Variants in FRMD3 observed in about 807,000 individuals in gnomAD.
FRMD3 encodes the protein FERM domain containing 3, also known as FERM domain-containing protein 3.
FRMD3 carries 33 observed loss-of-function variants against 70.2 expected under a neutral mutation model. The observed-to-expected ratio is 0.47, with a 90% CI of 0.36 to 0.63. The LOEUF (loss-of-function observed/expected upper bound fraction) is 0.63, where lower values mean the gene tolerates loss of function less well. Ranked by LOEUF, FRMD3 falls within the 20% of genes least tolerant of loss-of-function variation. FRMD3 has a pLI of 0.00. For missense variants in FRMD3, 632 were observed against 711.4 expected, an observed-to-expected ratio of 0.89 and a Z score of 1.27; for synonymous variants, 279 against 255.9, an observed-to-expected ratio of 1.09 and a Z score of -0.86.
Position 83,459,313 on chromosome 9 carries a change from C to T in FRMD3, c.148-69605G>A, listed in dbSNP as rs150907760. Among the ~76,000 whole-genome samples, 558 of 152,280 alleles carry T rather than the reference C, an allele frequency of 3.7e-3. 3 individuals are homozygous for T. The highest frequency in any genetic ancestry group is 0.012 in the African/African-American group (490 of 41,538). On this transcript the variant is annotated intron_variant, in intron 1 of 13. Transcript: ENST00000304195. ...CTTGTTCACTTCCAACTTCCTAGCC[C>T]GGCCTCCTGAATTCTGACTCCCCAC...
At chr9:83,383,500 C>T (rs72745014) in intron 2 of FRMD3, among the ~76,000 whole-genome samples, 22,687 of 152,240 alleles carry the variant, frequency 0.15, 1,835 homozygotes, top group Non-Finnish European at 0.18. Flanking sequence ...TTCTAGTCTT[C>T]CCAGTTAGAC....
At chr9:83,507,918 C>T (rs1366383841) in intron 1 of FRMD3, among the ~76,000 whole-genome samples, 6 of 151,288 alleles carry the variant, frequency 4.0e-5, no homozygotes, top group Non-Finnish European at 5.9e-5. Flanking sequence ...TCAAGTACTA[C>T]GTACTGTACA....
At chr9:83,352,466 A>G (rs561944086) in intron 3 of FRMD3, among the ~76,000 whole-genome samples, 1 of 152,284 alleles carries the variant, frequency 6.6e-6, no homozygotes, top group Middle Eastern at 3.4e-3. Flanking sequence ...GGATCAGGCA[A>G]TGAGGCCCAG....
rs1477754810 is a variant in FRMD3 at position 83,247,382 on chromosome 9, TTC to T, written c.*534_*535del. 2.4e-5 allele frequency: 21 copies of T among 869,360 alleles called. No individual in the cohort carries two copies. The highest frequency in any genetic ancestry group is 2.3e-4 in the East Asian group (1 of 4,390). 53.9% of individuals were successfully genotyped at this position (869,360 alleles called of 1,614,324 possible). ...GTACATGTAAATAACTCCAGGAGGC[TTC>T]TTTTTTTTTTTTGCTAAAAATTTAC... On this transcript the variant is annotated 3_prime_UTR_variant, in exon 14 of 14. Coordinates refer to ENST00000304195, the MANE Select transcript of FRMD3 (RefSeq NM_174938.6).
intron 10 of FRMD3, among the ~76,000 whole-genome samples, chr9:83,305,801 T>C (rs1835107196): frequency 6.6e-6 from 1 of 152,226 alleles, no homozygotes; most frequent in Non-Finnish European, 1.5e-5. Context: ...CTTGGTTAAC[T>C]ATAGCCAAAG....
intron 4 of FRMD3, 128 bp from the exon 5 acceptor site, chr9:83,343,415 C>A: frequency 1.5e-6 from 1 of 645,490 alleles, no homozygotes; most frequent in Non-Finnish European, 2.8e-6. Flanking sequence ...TTAGACATGC[C>A]CAGCCCTTTG....
chr9:83,331,083 G>A (rs1836239864), intron 6 of FRMD3, among the ~76,000 whole-genome samples: 1 of 152,176 alleles, frequency 6.6e-6, no homozygotes, highest in African/African-American at 2.4e-5. Context: ...CCATATGATA[G>A]AGCAATCATG....
chr9:83,331,344 A>G (rs1836254006), intron 6 of FRMD3, among the ~76,000 whole-genome samples: 1 of 152,236 alleles, frequency 6.6e-6, no homozygotes, highest in South Asian at 2.1e-4. Context: ...AAAGAAGCCA[A>G]TCTGAAAAGA....
intron 1 of FRMD3, among the ~76,000 whole-genome samples, chr9:83,424,148 G>A (rs1564070692): frequency 1.3e-5 from 2 of 152,184 alleles, no homozygotes; most frequent in Non-Finnish European, 2.9e-5. Context: ...GCAGACGGTC[G>A]TGGCCATGGC....
rs200796985 is a variant in FRMD3 at position 83,248,528 on chromosome 9, C to A, written c.1196-12G>T. The A allele has an allele frequency of 7.2e-6, 11 of 1,532,364 alleles. No homozygotes were observed. The highest frequency in any genetic ancestry group is 8.7e-6 in the Non-Finnish European group (10 of 1,146,104). The allele number at this position is 1,532,364 out of a possible 1,614,324, so 94.9% of individuals were successfully genotyped here. A position where few individuals can be genotyped will look rare whatever the true frequency, so the allele number is the denominator to read the frequency against. Reference sequence around the variant, plus strand: ...AGGCAATGGAACACCTGTAAAGAGACATTTTTTTTTCTAAATTTAAAATTT... The same window carrying A: ...AGGCAATGGAACACCTGTAAAGAGAAATTTTTTTTTCTAAATTTAAAATTT... On this transcript the variant is annotated splice_polypyrimidine_tract_variant and intron_variant, in intron 13 of 13. Transcript: ENST00000304195.
the FRMD3 span, among the ~76,000 whole-genome samples, chr9:83,577,257 A>G: frequency 6.6e-6 from 1 of 152,068 alleles, no homozygotes; most frequent in Non-Finnish European, 1.5e-5. Context: ...AAGGACCCAG[A>G]GCAGCCAAAA....
At chr9:83,257,150 A>G (rs2118635963) in intron 13 of FRMD3, among the ~76,000 whole-genome samples, 1 of 152,358 alleles carries the variant, frequency 6.6e-6, no homozygotes, top group South Asian at 2.1e-4. Flanking sequence ...GGCTGGATAA[A>G]GAAAATGTGG....
intron 10 of FRMD3, among the ~76,000 whole-genome samples, chr9:83,301,657 G>A (rs1395903306): frequency 6.6e-6 from 1 of 152,252 alleles, no homozygotes; most frequent in Non-Finnish European, 1.5e-5. Flanking sequence ...TGGCCACTCA[G>A]GTGGCTCTTT....
At chr9:83,375,456 T>C (rs1018595031) in intron 2 of FRMD3, among the ~76,000 whole-genome samples, 3 of 152,210 alleles carry the variant, frequency 2.0e-5, no homozygotes, top group Non-Finnish European at 4.4e-5. Flanking sequence ...TACACACTTT[T>C]CCAGAACAGC....
At chr9:83,405,351 C>A (rs1198144152) in intron 1 of FRMD3, among the ~76,000 whole-genome samples, 1 of 152,122 alleles carries the variant, frequency 6.6e-6, no homozygotes, top group African/African-American at 2.4e-5. Flanking sequence ...GCCACCCTGG[C>A]TTTGTCCCAG....
At chr9:83,452,479 T>TG (rs1554707453) in intron 1 of FRMD3, among the ~76,000 whole-genome samples, 147 of 146,718 alleles carry the variant, frequency 1.0e-3, no homozygotes, top group East Asian at 3.4e-3. Flanking sequence ...AGTTGTTTTT[T>TG]TTGTTGTTGT....
Position 83,247,941 on chromosome 9 carries a change from G to C in FRMD3, c.1771C>G (p.Leu591Val), listed in dbSNP as rs764821206. 1 of 1,614,144 alleles carries C rather than the reference G, an allele frequency of 6.2e-7. No homozygotes were observed. The highest frequency in any genetic ancestry group is 8.5e-7 in the Non-Finnish European group (1 of 1,180,004). ...EWVAGKVHLI[L>V]YMLGCS Reference sequence around the variant, plus strand: ...CTTCATGAGCAACCCAGCATGTAGAGGATGAGGTGGACTTTCCCAGCCACC... The same window carrying C: ...CTTCATGAGCAACCCAGCATGTAGACGATGAGGTGGACTTTCCCAGCCACC... The change falls in exon 14 of 14, where the codon CTC (leucine) becomes GTC (valine). Residue 591 changes from leucine to valine, a missense_variant. Leu to Val is a conservative substitution (Grantham distance 32, BLOSUM62 1). Around this residue, in one of 3 missense-constraint regions of FRMD3, gnomAD observed 418 missense variants for 442.1 expected, o/e 0.95. Transcript: ENST00000304195.
chr9:83,305,812 T>C (rs971911907), intron 10 of FRMD3, among the ~76,000 whole-genome samples: 2 of 152,204 alleles, frequency 1.3e-5, no homozygotes, highest in African/African-American at 4.8e-5. Flanking sequence ...ATAGCCAAAG[T>C]GCCAATGCAA....
At chr9:83,244,358 C>CTAT (rs1831986676), downstream of FRMD3, among the ~76,000 whole-genome samples, 2 of 152,164 alleles carry the variant, frequency 1.3e-5, no homozygotes, top group East Asian at 1.9e-4. Flanking sequence ...CTGTGCTTTT[C>CTAT]TATTTCTCTG....
Sources: allele counts gnomAD v4.1 joint callset (sites outside exome capture counted in the v4.1 genomes callset), GRCh38; gene constraint gnomAD v4.1.1; regional missense constraint gnomAD v4.1.1; transcripts MANE v1.5; gene names NCBI Gene and HGNC (gene_info 2026-07-23, HGNC 2026-07-21).